The following TRIO variants were observed in gnomAD, a reference collection of about 807,000 sequenced individuals.
The protein encoded by TRIO is triple functional domain protein.
In TRIO, 58 loss-of-function variants were observed where a neutral mutation model predicts 351.9. The observed-to-expected ratio is 0.16, with a 90% CI of 0.13 to 0.21. The LOEUF is 0.21. Among genes scored for constraint, TRIO ranks in the 10% least tolerant of loss-of-function variants. The pLI is 1.00. For missense variants in TRIO, 3,201 were observed against 4,027.8 expected (o/e 0.79, Z 5.56); for synonymous variants, 1,758 against 1,595.7 (o/e 1.10, Z -2.42).
chr5:14,417,686 A>G (rs75074001), intron 33 of TRIO, among the ~76,000 whole-genome samples: 10,249 of 152,300 alleles, frequency 0.067, 1,134 homozygotes, highest in African/African-American at 0.23. Flanking sequence ...ACTGCCCTTT[A>G]GCAAGAGGTG....
At position 14,481,591 on chromosome 5, in the gene TRIO, G is replaced by A. The variant is rs1755521266; in HGVS notation, c.6438G>A (p.Met2146Ile). 6.2e-7 allele frequency: 1 copy of A among 1,613,986 alleles called. No homozygotes were observed. The highest frequency in any genetic ancestry group is 1.3e-5 in the African/African-American group (1 of 74,888). ...TACCCAGGCGGTGCAACGACATGAT[G>A]AACGTGGGGCGGCTGCAAGGATTCG... is the stretch of plus-strand genomic sequence containing the variant. Reference protein sequence around the residue: ...CIVPRRCNDMMNVGRLQGFDG... With the variant: ...CIVPRRCNDMINVGRLQGFDG... Residue 2146 changes from methionine (M) to isoleucine (I), a missense_variant, in exon 45 of 57, where the codon ATG (methionine) becomes ATA (isoleucine). Physicochemically the swap from Met to Ile is conservative, Grantham distance 10. Transcript: ENST00000344204.
intron 27 of TRIO, among the ~76,000 whole-genome samples, chr5:14,392,323 A>G (rs1049221693): frequency 6.6e-6 from 1 of 152,126 alleles, no homozygotes; most frequent in Admixed American, 6.5e-5. Context: ...GCCAACAAAC[A>G]TATGAAAAAC....
At chr5:14,353,339 C>G (rs1468001133) in intron 11 of TRIO, among the ~76,000 whole-genome samples, 2 of 146,974 alleles carry the variant, frequency 1.4e-5, no homozygotes, top group Non-Finnish European at 3.0e-5. Flanking sequence ...TCTCAGTTCA[C>G]TGCACCCTCT....
intron 11 of TRIO, 77 bp downstream of exon 11, chr5:14,336,804 T>C: frequency 6.6e-7 from 1 of 1,503,890 alleles, no homozygotes; most frequent in Non-Finnish European, 9.1e-7. Context: ...CTAAATTTAG[T>C]CATAATGTGA....
intron 40 of TRIO, among the ~76,000 whole-genome samples, chr5:14,474,591 T>C (rs1754913583): frequency 6.6e-6 from 1 of 152,220 alleles, no homozygotes. Context: ...TAACTAGAAT[T>C]GCAGCCATCT....
chr5:14,495,187 G>T (rs7708579), intron 49 of TRIO, among the ~76,000 whole-genome samples: 44,159 of 152,044 alleles, frequency 0.29, 6,789 homozygotes, highest in Middle Eastern at 0.4. Context: ...AGAAAAATAG[G>T]ATCAGAAATG....
chr5:14,393,243 G>C (rs1007746043), intron 27 of TRIO, among the ~76,000 whole-genome samples: 10 of 151,932 alleles, frequency 6.6e-5, no homozygotes, highest in South Asian at 2.1e-4. Context: ...GGGCCTGTCG[G>C]GGGGTGGGGG....
chr5:14,497,703 A>T lies in TRIO; in HGVS notation c.8020-144A>T. The stretch of plus-strand genomic sequence containing the variant: ...AGTGTGACATGAAACTTTTGAGTGC[A>T]GTGAAAATGTGGTCTGTTTTGATTG... On this transcript the variant is annotated intron_variant, in intron 50 of 56. Transcript: ENST00000344204. This position sits in a 1 kb window ranked among gnomAD's most constrained non-coding sequence, Gnocchi z 4.4. 4 of 1,004,796 alleles carry T rather than the reference A, an allele frequency of 4.0e-6. No individual in the cohort carries two copies. Among genetic ancestry groups the T allele is most frequent in the Non-Finnish European group, 6.2e-6 (4 of 649,000 alleles). The allele number at this position is 1,004,796 out of a possible 1,614,324, so 62.2% of individuals were successfully genotyped here.
chr5:14,502,503 C>T, intron 53 of TRIO, 76 bp from the exon 54 acceptor site: 1 of 1,464,500 alleles, frequency 6.8e-7, no homozygotes, highest in South Asian at 1.1e-5. Flanking sequence ...CTGTGAGGGA[C>T]AGTGCGTGGC....
chr5:14,433,079 A>G (rs1390498228), intron 34 of TRIO, among the ~76,000 whole-genome samples: 1 of 152,250 alleles, frequency 6.6e-6, no homozygotes, highest in Non-Finnish European at 1.5e-5. Context: ...AGTTCTGTAA[A>G]TAATCCACAA....
chr5:14,470,699 G>C (rs943234889), intron 37 of TRIO, among the ~76,000 whole-genome samples: 1 of 152,240 alleles, frequency 6.6e-6, no homozygotes, highest in African/African-American at 2.4e-5. Context: ...TATTGCAGAA[G>C]TAATTAAGAC....
intron 30 of TRIO, 101 bp from the exon 31 acceptor site, chr5:14,400,862 T>C (rs750229312): frequency 1.3e-5 from 13 of 1,018,342 alleles, no homozygotes; most frequent in Admixed American, 2.3e-5. Flanking sequence ...TCTTATAACC[T>C]AACATGGCCA....
chr5:14,389,373 C>T lies in TRIO; in HGVS notation c.4033C>T (p.Gln1345Ter), dbSNP rs1746846840. The change falls in exon 25 of 57, where the codon CAA (glutamine) becomes TAA (stop). Residue 1345 changes from glutamine to a stop codon, truncating the protein, a stop_gained. Transcript: ENST00000344204. LOFTEE classifies it high-confidence loss of function. Reference protein sequence around the residue: ...NKELIIFGNMQEIYEFHNNIF... With the variant: ...NKELIIFGNM ...AGAACTCATCATCTTCGGAAACATG[C>T]AAGAAATCTACGAATTTCATAATAA... The T allele has an allele frequency of 6.2e-7, 1 of 1,610,288 alleles. No homozygotes were observed.
Position 14,363,799 on chromosome 5 carries a change from A to G in TRIO, c.2459A>G (p.Asp820Gly). 6.2e-7 allele frequency: 1 copy of G among 1,614,220 alleles called. No homozygotes were observed. The highest frequency in any genetic ancestry group is 8.5e-7 in the Non-Finnish European group (1 of 1,180,038). ...CAAATGAATGACTTCGACACAGAAG[A>G]TCTCACGATTGCAGAGCAGCGCCTC... ...SQQMNDFDTEDLTIAEQRLQH... is the reference protein window; with the variant it reads ...SQQMNDFDTEGLTIAEQRLQH... The change falls in exon 14 of 57, where the codon GAT becomes GGT. Residue 820 changes from aspartate to glycine, a missense_variant. Asp to Gly is a moderately conservative substitution (Grantham distance 94). Around this residue, in one of 19 missense-constraint regions of TRIO, gnomAD observed 363 missense variants for 553.5 expected, o/e 0.66. Transcript: ENST00000344204.
intron 34 of TRIO, among the ~76,000 whole-genome samples, chr5:14,437,346 G>A (rs760988435): frequency 6.6e-6 from 1 of 152,118 alleles, no homozygotes; most frequent in Non-Finnish European, 1.5e-5. Flanking sequence ...TCAAAGTTAG[G>A]TTAGTTGTTT....
intron 25 of TRIO, 52 bp downstream of exon 25, chr5:14,389,450 G>A (rs757466896): frequency 2.3e-6 from 3 of 1,319,926 alleles, no homozygotes; most frequent in Admixed American, 2.0e-5. Flanking sequence ...ATGTGCTGAA[G>A]TTTCATCACA....
intron 34 of TRIO, among the ~76,000 whole-genome samples, chr5:14,424,712 C>T (rs998039761): frequency 2.0e-5 from 3 of 152,148 alleles, no homozygotes; most frequent in African/African-American, 4.8e-5. Context: ...GACTGTCTTT[C>T]GTAAGTGTAG....
chr5:14,233,534 T>C (rs556463593), intron 1 of TRIO, among the ~76,000 whole-genome samples: 2 of 152,016 alleles, frequency 1.3e-5, no homozygotes, highest in Admixed American at 6.6e-5. Context: ...CCTTCTCCTT[T>C]AGTAAATATT....
At position 14,357,997 on chromosome 5, in the gene TRIO, G is replaced by C. The variant is rs907229098; in HGVS notation, c.2047-181G>C. Among the ~76,000 whole-genome samples the C allele has an allele frequency of 7.2e-5, 11 of 152,140 alleles. No individual in the cohort carries two copies. In the East Asian group the frequency reaches 1.9e-3, roughly 27 times the overall value. ...CTTTTGTTGTGCATGTGTTCCGCTG[G>C]CAGTGGGACTGGATGCCCCTCCCTC... On this transcript the variant is annotated intron_variant, in intron 11 of 56. Transcript: ENST00000344204.
Sources: allele counts gnomAD v4.1 joint callset (sites outside exome capture counted in the v4.1 genomes callset), GRCh38; gene constraint gnomAD v4.1.1; regional missense constraint gnomAD v4.1.1; non-coding constraint Gnocchi (gnomAD v3.1); transcripts MANE v1.5; gene names NCBI Gene and HGNC (gene_info 2026-07-23, HGNC 2026-07-21).